AAK1: variants seen among roughly 807,000 people sequenced by gnomAD.
AAK1 encodes the protein AP2-associated protein kinase 1.
A neutral mutation model predicts 116.0 loss-of-function variants in AAK1; 37 were observed. That is an observed-to-expected ratio of 0.32 (90% CI 0.25 to 0.42). The LOEUF (loss-of-function observed/expected upper bound fraction) is 0.42. Ranked by LOEUF, AAK1 falls within the 10% of genes least tolerant of loss-of-function variation. AAK1 has a pLI of 1.00. For missense variants in AAK1, 919 were observed against 1,170.6 expected (o/e 0.79, Z 3.14); for synonymous variants, 458 against 439.9 (o/e 1.04, Z -0.51).
At chr2:69,575,414 A>C (rs1439204591) in intron 2 of AAK1, among the ~76,000 whole-genome samples, 1 of 152,148 alleles carries the variant, frequency 6.6e-6, no homozygotes, top group Non-Finnish European at 1.5e-5. Flanking sequence ...ATTTTACTGC[A>C]ATATTTTTTA....
chr2:69,486,243 T>C (rs1170401572), intron 17 of AAK1, among the ~76,000 whole-genome samples: 1 of 152,182 alleles, frequency 6.6e-6, no homozygotes, highest in East Asian at 1.9e-4. Context: ...ATTACAGGTA[T>C]GAGCCACTGA....
chr2:69,585,081 A>G (rs1377942170), intron 2 of AAK1, among the ~76,000 whole-genome samples: 1 of 152,216 alleles, frequency 6.6e-6, no homozygotes, highest in Non-Finnish European at 1.5e-5. Flanking sequence ...CATTTTGTAG[A>G]TTCAAAAACT....
chr2:69,618,394 G>A (rs2105231453), intron 2 of AAK1, among the ~76,000 whole-genome samples: 1 of 152,194 alleles, frequency 6.6e-6, no homozygotes, highest in East Asian at 1.9e-4. Context: ...CCACAATCAA[G>A]CCAAAGGATA....
chr2:69,483,055 C>A (rs1179552071), intron 17 of AAK1, among the ~76,000 whole-genome samples: 1 of 152,028 alleles, frequency 6.6e-6, no homozygotes, highest in South Asian at 2.1e-4. Flanking sequence ...GTCCTGGGTG[C>A]GTCTGCTTGT....
intron 2 of AAK1, chr2:69,597,997 T>C (rs1367840862): frequency 8.8e-6 from 3 of 340,728 alleles, no homozygotes; most frequent in East Asian, 8.8e-5. Flanking sequence ...AGATAAGAGA[T>C]TCTTACGTTA....
intron 2 of AAK1, among the ~76,000 whole-genome samples, chr2:69,566,148 C>A (rs1007467625): frequency 1.3e-5 from 2 of 152,188 alleles, no homozygotes; most frequent in Non-Finnish European, 2.9e-5. Flanking sequence ...CAAGGAATGA[C>A]CCCCAAGAGG....
intron 2 of AAK1, among the ~76,000 whole-genome samples, chr2:69,638,037 G>A (rs766229440): frequency 3.9e-5 from 6 of 152,150 alleles, no homozygotes; most frequent in Non-Finnish European, 5.9e-5. Context: ...AGCTACAACC[G>A]TCATCATGCC....
At chr2:69,481,406 T>C (rs1372063638) in intron 18 of AAK1, 2 of 153,104 alleles carry the variant, frequency 1.3e-5, no homozygotes, top group Admixed American at 6.5e-5. Context: ...TAATTTTTTC[T>C]GGTAATTTCA....
chr2:69,634,213 A>G (rs917395161), intron 2 of AAK1, among the ~76,000 whole-genome samples: 2 of 152,120 alleles, frequency 1.3e-5, no homozygotes, highest in African/African-American at 4.8e-5. Flanking sequence ...GATACTGATG[A>G]TCCTTTGTAC....
intron 13 of AAK1, 81 bp downstream of exon 13, chr2:69,514,390 G>A: frequency 6.9e-7 from 1 of 1,448,450 alleles, no homozygotes; most frequent in African/African-American, 1.4e-5. Flanking sequence ...ATCAGCTGCT[G>A]CCATCTTTCC....
chr2:69,579,508 G>T (rs1006666318), intron 2 of AAK1, among the ~76,000 whole-genome samples: 1 of 152,214 alleles, frequency 6.6e-6, no homozygotes, highest in South Asian at 2.1e-4. Context: ...GGGCCCGGGA[G>T]GTGGAGGTTG....
chr2:69,609,912 T>C lies in AAK1; in HGVS notation c.163+32966A>G, dbSNP rs189692695. Among the ~76,000 whole-genome samples, 705 of 151,826 alleles carry C rather than the reference T, an allele frequency of 4.6e-3. 3 individuals carry two copies. Among genetic ancestry groups the C allele is most frequent in the Non-Finnish European group, 7.0e-3 (476 of 67,910 alleles). On this transcript the variant is annotated intron_variant, in intron 2 of 21. Coordinates refer to ENST00000409085, the MANE Select transcript of AAK1 (RefSeq NM_014911.5). ...AAAAATACAAAAAATTAGCCGAGCA[T>C]GGTGGCGGGCACCTGTAGTCCCAGC...
intron 2 of AAK1, among the ~76,000 whole-genome samples, chr2:69,593,158 T>TTCATCA (rs1673108359): frequency 6.6e-6 from 1 of 152,226 alleles, no homozygotes; most frequent in African/African-American, 2.4e-5. Context: ...AGACATCCAT[T>TTCATCA]GATCCAACAA....
chr2:69,561,692 G>C (rs1200616968), intron 2 of AAK1, among the ~76,000 whole-genome samples: 2 of 152,130 alleles, frequency 1.3e-5, no homozygotes, highest in Non-Finnish European at 2.9e-5. Flanking sequence ...TGGCTGTGGC[G>C]ACAGCCAATC....
chr2:69,480,894 T>C lies in AAK1; in HGVS notation c.2535A>G (p.Pro845=). ...GLEPPVPQRL[P]SQTESVTSNR... is the part of the protein sequence containing the mutation. ...TCGAGGTCACAGATTCCGTCTGAGA[T>C]GGGAGGCGCTGGGGAACTGGGGGCT... The change falls in exon 19 of 22, where the codon CCA becomes CCG. Residue 845 remains proline, a synonymous_variant. Coordinates refer to ENST00000409085, the MANE Select transcript of AAK1 (RefSeq NM_014911.5). 2 of 1,606,242 alleles carry C rather than the reference T, an allele frequency of 1.2e-6. No homozygotes were observed. Among genetic ancestry groups the C allele is most frequent in the Middle Eastern group, 1.7e-4 (1 of 6,056 alleles).
At chr2:69,531,463 G>A in intron 6 of AAK1, 1 of 393,218 alleles carries the variant, frequency 2.5e-6, no homozygotes. Flanking sequence ...AGCGAGTGCT[G>A]TTGCCTGTAA....
At chr2:69,628,482 T>C (rs1384754161) in intron 2 of AAK1, among the ~76,000 whole-genome samples, 4 of 152,090 alleles carry the variant, frequency 2.6e-5, no homozygotes, top group Admixed American at 2.0e-4. Flanking sequence ...GGGGAAGTGA[T>C]ATATCCAAGA....
intron 2 of AAK1, among the ~76,000 whole-genome samples, chr2:69,575,083 C>G (rs915397235): frequency 6.7e-6 from 1 of 149,498 alleles, no homozygotes; most frequent in East Asian, 1.9e-4. Flanking sequence ...CAAACAACTT[C>G]TAAGACTGAT....
At chr2:69,516,367 C>T (rs1218403121) in intron 12 of AAK1, among the ~76,000 whole-genome samples, 2 of 148,256 alleles carry the variant, frequency 1.3e-5, no homozygotes, top group Non-Finnish European at 3.0e-5. Context: ...CCAGTAATTA[C>T]AAATCCAAAT....
Sources: allele counts gnomAD v4.1 joint callset (sites outside exome capture counted in the v4.1 genomes callset), GRCh38; gene constraint gnomAD v4.1.1; transcripts MANE v1.5; gene names NCBI Gene and HGNC (gene_info 2026-07-23, HGNC 2026-07-21).